APOL4: variants seen among roughly 807,000 people sequenced by gnomAD.
The protein encoded by APOL4 is apolipoprotein L4.
Under a neutral mutation model 12.1 loss-of-function variants are expected in APOL4, and 14 were observed. The observed-to-expected ratio is 1.16, with a 90% CI of 0.76 to 1.81. The LOEUF (loss-of-function observed/expected upper bound fraction) is 1.81. APOL4 is among the 40% of genes most tolerant of loss of function. The pLI is 0.00. For missense variants in APOL4, 432 were observed against 423.1 expected, an observed-to-expected ratio of 1.02 and a Z score of -0.18; for synonymous variants, 171 against 160.6, an observed-to-expected ratio of 1.06 and a Z score of -0.49.
Position 36,195,776 on chromosome 22 carries a change from TCACACACACACA to T in APOL4, c.83-351_83-340del, listed in dbSNP as rs577893547. ...CTCTCTCTCTCTCTCTCTCTCTCTC[TCACACACACACA>T]CACACACACACACACACACACACAC... On this transcript the variant is annotated intron_variant, in intron 2 of 3. Transcript: ENST00000683024. 5.6e-3 allele frequency among the ~76,000 whole-genome samples: 544 copies of T among 97,044 alleles called. 5 individuals are homozygous for T. The highest frequency in any genetic ancestry group is 0.018 in the African/African-American group (500 of 28,296). The allele number at this position is 97,044 out of a possible 152,430, so 63.7% of individuals were successfully genotyped here. A position where few individuals can be genotyped will look rare whatever the true frequency, so the allele number is the denominator to read the frequency against.
upstream of APOL4, chr22:36,202,072 G>A (rs1384388142): frequency 3.1e-6 from 5 of 1,613,776 alleles, no homozygotes; most frequent in Admixed American, 1.7e-5. Flanking sequence ...CAGGAAAAGA[G>A]GGGTTGAGAC....
At position 36,199,504 on chromosome 22, in the gene APOL4, A is replaced by G. The variant is rs761422482; in HGVS notation, c.36-128T>C. ...AAATGCCAAGACCAACCTAACCCAG[A>G]TTCTTTCTCTATCACCAAGTCCCCA... On this transcript the variant is annotated intron_variant, in intron 1 of 3. Transcript: ENST00000683024. 1.1e-4 allele frequency: 176 copies of G among 1,610,062 alleles called. 1 individual carries two copies. The highest frequency in any genetic ancestry group is 1.4e-4 in the Non-Finnish European group (164 of 1,178,028).
chr22:36,202,595 G>A (rs956865299), upstream of APOL4, among the ~76,000 whole-genome samples: 1 of 151,954 alleles, frequency 6.6e-6, no homozygotes, highest in South Asian at 2.1e-4. Context: ...GTGTAGTGGC[G>A]GGCGCCTGTA....
intron 2 of APOL4, chr22:36,197,851 C>T: frequency 6.5e-7 from 1 of 1,542,232 alleles, no homozygotes; most frequent in Non-Finnish European, 8.7e-7. Context: ...AGGAAGTGGC[C>T]AATCTGGCTA....
chr22:36,196,988 G>A (rs1022508921), intron 2 of APOL4, among the ~76,000 whole-genome samples: 2 of 152,196 alleles, frequency 1.3e-5, no homozygotes, highest in African/African-American at 2.4e-5. Context: ...GGGCAGGGGA[G>A]TGGGACCCTC....
At chr22:36,192,196 C>A (rs1413427047) in intron 3 of APOL4, among the ~76,000 whole-genome samples, 3 of 151,974 alleles carry the variant, frequency 2.0e-5, no homozygotes, top group African/African-American at 7.3e-5. Flanking sequence ...AAAAATTAGC[C>A]AGGCGTGGTG....
At chr22:36,197,608 A>C in intron 2 of APOL4, 1 of 1,506,246 alleles carries the variant, frequency 6.6e-7, no homozygotes, top group Non-Finnish European at 8.9e-7. Context: ...CAAGCTATGA[A>C]TCTGAACTGG....
chr22:36,201,925 C>G, upstream of APOL4: 1 of 1,612,482 alleles, frequency 6.2e-7, no homozygotes, highest in Non-Finnish European at 8.5e-7. Flanking sequence ...CCAGCCCAAG[C>G]CCTGCCCAAT....
At chr22:36,202,986 T>C (rs932458697), upstream of APOL4, among the ~76,000 whole-genome samples, 34 of 152,202 alleles carry the variant, frequency 2.2e-4, no homozygotes, top group Non-Finnish European at 1.0e-4. Flanking sequence ...CAGGTTTGAT[T>C]CTGCTTCTAC....
chr22:36,195,724 G>GA (rs926326634), intron 2 of APOL4, among the ~76,000 whole-genome samples: 5 of 136,486 alleles, frequency 3.7e-5, no homozygotes, highest in South Asian at 4.9e-4. Flanking sequence ...CCAATTAAAA[G>GA]AAAAAAAAGA....
upstream of APOL4, among the ~76,000 whole-genome samples, chr22:36,202,335 C>G (rs1008109552): frequency 6.6e-6 from 1 of 152,214 alleles, no homozygotes; most frequent in Non-Finnish European, 1.5e-5. Flanking sequence ...GTCTTGAACT[C>G]CTGGCCTCAA....
At chr22:36,203,692 G>A (rs545603110), upstream of APOL4, among the ~76,000 whole-genome samples, 5 of 152,282 alleles carry the variant, frequency 3.3e-5, no homozygotes, top group African/African-American at 9.6e-5. Context: ...GCCTAGAAGA[G>A]CCACGGCAAG....
At chr22:36,197,891 T>A in intron 2 of APOL4, 1 of 1,490,176 alleles carries the variant, frequency 6.7e-7, no homozygotes, top group South Asian at 1.4e-5. Flanking sequence ...CAGCACTGGG[T>A]CTGACCCACC....
At chr22:36,197,437 G>T in intron 2 of APOL4, 1 of 619,178 alleles carries the variant, frequency 1.6e-6, no homozygotes, top group Non-Finnish European at 2.4e-6. Context: ...GGAAACTCAG[G>T]GTTGGATGGA....
chr22:36,200,065 C>T (rs2014526134), intron 1 of APOL4, among the ~76,000 whole-genome samples: 1 of 151,150 alleles, frequency 6.6e-6, no homozygotes, highest in South Asian at 2.1e-4. Flanking sequence ...TCTCGGCCTC[C>T]CAAAGTGCTG....
rs907911349 is a variant in APOL4, at chr22:36,190,360, A to G, written c.*715T>C. On this transcript the variant is annotated 3_prime_UTR_variant, in exon 4 of 4. Transcript: ENST00000683024. ...GGTTTCGGGCACCATTGTCATTGAT[A>G]ACATCTTATCAGGAGACAGGGTTTT... 1 of 152,236 alleles carries G rather than the reference A, an allele frequency of 6.6e-6. No homozygotes were observed. Among genetic ancestry groups the G allele is most frequent in the Non-Finnish European group, 1.5e-5 (1 of 68,044 alleles). 9.4% of individuals were successfully genotyped at this position (152,236 alleles called of 1,614,324 possible).
intron 2 of APOL4, among the ~76,000 whole-genome samples, chr22:36,196,750 C>T (rs984256944): frequency 1.6e-4 from 25 of 152,330 alleles, no homozygotes; most frequent in African/African-American, 4.6e-4. Context: ...GAGACCCAGA[C>T]AGCGAGAGAC....
Position 36,189,266 on chromosome 22 carries a change from A to G in APOL4, c.*1809T>C, listed in dbSNP as rs1473273048. The G allele has an allele frequency of 6.6e-6, 1 of 152,098 alleles. No individual in the cohort carries two copies. Among genetic ancestry groups the G allele is most frequent in the Non-Finnish European group, 1.5e-5 (1 of 68,024 alleles). The allele number at this position is 152,098 out of a possible 1,614,324, so 9.4% of individuals were successfully genotyped here. On this transcript the variant is annotated 3_prime_UTR_variant, in exon 4 of 4. Coordinates refer to ENST00000683024, the MANE Select transcript of APOL4 (RefSeq NM_001386885.1). Reference sequence around the variant, plus strand: ...TTGTCTACTATATATGAGCAACGAGACTTTTACTTGGTTGGTTCTCAGATA... The same window carrying G: ...TTGTCTACTATATATGAGCAACGAGGCTTTTACTTGGTTGGTTCTCAGATA...
In APOL4 at chr22:36,197,532, T is replaced by C. The variant is rs1465180290; in HGVS notation, c.82+1798A>G. 5.8e-6 allele frequency: 8 copies of C among 1,380,994 alleles called. No individual in the cohort carries two copies. In the South Asian group the frequency reaches 9.3e-5, roughly 16 times the overall value. 85.5% of individuals were successfully genotyped at this position (1,380,994 alleles called of 1,614,324 possible). On this transcript the variant is annotated intron_variant, in intron 2 of 3. Coordinates refer to ENST00000683024, the MANE Select transcript of APOL4 (RefSeq NM_001386885.1). ...GCAAAATTAAAATAAAAACCAGACC[T>C]GAAACATTCCCGGGCAAACAAAACC...
Sources: gnomAD v4.1 joint callset for allele counts (sites outside exome capture counted in the v4.1 genomes callset) on GRCh38, gnomAD v4.1.1 for gene constraint, MANE v1.5 for transcripts, NCBI Gene and HGNC (gene_info 2026-07-23, HGNC 2026-07-21) for gene names.